The following RETREG3 variants were observed in gnomAD, a reference collection of about 807,000 sequenced individuals.
RETREG3 encodes the protein reticulophagy regulator 3.
A neutral mutation model predicts 50.2 loss-of-function variants in RETREG3; 23 were observed. The observed-to-expected ratio is 0.46, with a 90% CI of 0.33 to 0.65. The LOEUF is 0.65. Ranked by LOEUF, RETREG3 falls within the 30% of genes least tolerant of loss-of-function variation. The probability of loss-of-function intolerance (pLI) is 0.02; values close to 1 mark genes in which losing one functional copy is unlikely to be tolerated. For synonymous variants in RETREG3, 240 were observed against 234.4 expected (o/e 1.02, Z -0.22); for missense variants, 546 against 598.0 (o/e 0.91, Z 0.91).
intron 7 of RETREG3, among the ~76,000 whole-genome samples, 153 bp downstream of exon 7, chr17:42,583,345 G>A (rs1167883294): frequency 6.6e-6 from 1 of 152,166 alleles, no homozygotes; most frequent in Non-Finnish European, 1.5e-5. Context: ...AAAAAATTGA[G>A]ATCTAGGAAC....
intron 8 of RETREG3, 44 bp downstream of exon 8, chr17:42,582,630 A>C: frequency 1.9e-6 from 3 of 1,611,230 alleles, no homozygotes; most frequent in Non-Finnish European, 2.5e-6. Context: ...GCTAAGAGGC[A>C]ACAGTCAGAG....
intron 3 of RETREG3, among the ~76,000 whole-genome samples, chr17:42,587,462 C>T (rs779619401): frequency 9.2e-5 from 14 of 152,112 alleles, no homozygotes; most frequent in African/African-American, 2.4e-4. Context: ...GTTTTCTGAC[C>T]GGGAACTTTA....
chr17:42,608,124 C>T (rs1326649841), intron 1 of RETREG3, among the ~76,000 whole-genome samples: 4 of 152,222 alleles, frequency 2.6e-5, no homozygotes, highest in African/African-American at 9.6e-5. Context: ...AAAAAACACA[C>T]ATATTTTGTT....
chr17:42,602,754 C>A (rs753066203), intron 1 of RETREG3, among the ~76,000 whole-genome samples: 1 of 152,066 alleles, frequency 6.6e-6, no homozygotes, highest in Non-Finnish European at 1.5e-5. Context: ...CCAGCCTGGG[C>A]AACATGGTGA....
At chr17:42,604,712 A>C (rs1229659646) in intron 1 of RETREG3, among the ~76,000 whole-genome samples, 5 of 151,874 alleles carry the variant, frequency 3.3e-5, no homozygotes, top group South Asian at 2.1e-4. Context: ...AAAAAAAAAA[A>C]AAAAAACTGA....
chr17:42,598,143 G>A lies in RETREG3; in HGVS notation c.240-5981C>T, dbSNP rs1378745598. Among the ~76,000 whole-genome samples the A allele has an allele frequency of 4.6e-5, 7 of 151,428 alleles. No homozygotes were observed. In the South Asian group the frequency reaches 6.3e-4, roughly 14 times the overall value. ...ACTACAGGCGCCCGCCACCACGCCC[G>A]GCTAATTTTTTGTATTTTTAGTAGA... On this transcript the variant is annotated intron_variant, in intron 1 of 8. Coordinates refer to ENST00000309428, the MANE Select transcript of RETREG3 (RefSeq NM_178126.4).
At position 42,609,229 on chromosome 17, in the gene RETREG3, G is replaced by A. The variant is rs201986066; in HGVS notation, c.96C>T (p.Asp32=). The A allele has an allele frequency of 7.5e-6, 12 of 1,608,502 alleles. No individual in the cohort carries two copies. Among genetic ancestry groups the A allele is most frequent in the Admixed American group, 3.3e-5 (2 of 59,994 alleles). ...CCCGCTGCGCCGCCTCAACCTGCTGGTCCCGCTCCCAGGAGCCTGACACAT... is the reference window on the plus strand; with the variant it reads ...CCCGCTGCGCCGCCTCAACCTGCTGATCCCGCTCCCAGGAGCCTGACACAT... ...RRDVSGSWER[D]QQVEAAQRAL... Residue 32 remains aspartate, a synonymous_variant, in exon 1 of 9, where the codon GAC becomes GAT. Coordinates refer to ENST00000309428, the MANE Select transcript of RETREG3 (RefSeq NM_178126.4).
intron 1 of RETREG3, among the ~76,000 whole-genome samples, chr17:42,607,543 G>A (rs1597745529): frequency 7.5e-6 from 1 of 133,742 alleles, no homozygotes; most frequent in South Asian, 2.5e-4. Context: ...AGTGGCTCAC[G>A]CCTGTAATCC....
In RETREG3 at chr17:42,609,190, C is replaced by T. The variant is rs776449679; in HGVS notation, c.135G>A (p.Val45=). ...VEAAQRALVE[V]LGPYEPLLSR... ...TCAGCAGAGGCTCGTAAGGCCCCAG[C>T]ACCTCCACCAGGGCCCGCTGCGCCG... Residue 45 remains valine (V), a synonymous_variant, in exon 1 of 9, where the codon GTG becomes GTA. Transcript: ENST00000309428. 3.1e-6 allele frequency: 5 copies of T among 1,609,368 alleles called. No individual in the cohort carries two copies.
intron 1 of RETREG3, among the ~76,000 whole-genome samples, chr17:42,597,611 ATATATATATTTTTTTT>A (rs1567925519): frequency 0.023 from 809 of 34,434 alleles, 58 homozygotes; most frequent in South Asian, 0.18. Flanking sequence ...ATATATATAT[ATATATATATTTTTTTT>A]TTTTTTTTTT....
At chr17:42,609,054 T>G (rs755264495) in intron 1 of RETREG3, 32 bp downstream of exon 1, 3 of 1,591,790 alleles carry the variant, frequency 1.9e-6, no homozygotes, top group African/African-American at 2.7e-5. Context: ...AATTCGGGAC[T>G]CGGAGGGTTT....
In RETREG3 at chr17:42,609,198, C is replaced by A; in HGVS notation, c.127G>T (p.Val43Leu). ...GGCTCGTAAGGCCCCAGCACCTCCA[C>A]CAGGGCCCGCTGCGCCGCCTCAACC... is the stretch of plus-strand genomic sequence containing the variant. ...QQVEAAQRAL[V>L]EVLGPYEPLL... The change falls in exon 1 of 9, where the codon GTG (valine) becomes TTG (leucine). Residue 43 changes from valine (V) to leucine (L), a missense_variant. Transcript: ENST00000309428. The A allele has an allele frequency of 6.2e-7, 1 of 1,609,184 alleles. No individual in the cohort carries two copies.
intron 1 of RETREG3, among the ~76,000 whole-genome samples, chr17:42,596,873 A>G (rs1035378362): frequency 6.9e-6 from 1 of 144,218 alleles, no homozygotes; most frequent in African/African-American, 2.6e-5. Context: ...GTTTGGAAGA[A>G]TTTTTTTTTT....
At chr17:42,608,081 A>G (rs559044373) in intron 1 of RETREG3, among the ~76,000 whole-genome samples, 1 of 152,220 alleles carries the variant, frequency 6.6e-6, no homozygotes, top group Non-Finnish European at 1.5e-5. Context: ...AACAAATTTT[A>G]AGGGGAAAGC....
chr17:42,601,142 T>C (rs2093157573), intron 1 of RETREG3, among the ~76,000 whole-genome samples: 1 of 152,034 alleles, frequency 6.6e-6, no homozygotes, highest in South Asian at 2.1e-4. Flanking sequence ...CTAGGCATGG[T>C]GGCGGGTGCC....
chr17:42,597,645 T>TGAGACAGAG, intron 1 of RETREG3, among the ~76,000 whole-genome samples: 1 of 58,660 alleles, frequency 1.7e-5, no homozygotes, highest in Non-Finnish European at 3.5e-5. Context: ...TTTTTTTTTT[T>TGAGACAGAG]TTGAGACAGA....
Position 42,579,751 on chromosome 17 carries a change from T to G in RETREG3, c.*2062A>C, listed in dbSNP as rs2143357287. On this transcript the variant is annotated 3_prime_UTR_variant, in exon 9 of 9. Transcript: ENST00000309428. Reference sequence around the variant, plus strand: ...GTCTTTCCACATCAGAGCTCTGAACTTGAGAGGTGTCAAAAGTCTGTTTGA... The same window carrying G: ...GTCTTTCCACATCAGAGCTCTGAACGTGAGAGGTGTCAAAAGTCTGTTTGA... 6.5e-6 allele frequency: 1 copy of G among 152,878 alleles called. No homozygotes were observed. Among genetic ancestry groups the G allele is most frequent in the Non-Finnish European group, 1.5e-5 (1 of 68,088 alleles). 9.5% of individuals were successfully genotyped at this position (152,878 alleles called of 1,614,324 possible).
In RETREG3 at chr17:42,581,747, A is replaced by G. The variant is rs1344050467; in HGVS notation, c.*66T>C. The G allele has an allele frequency of 7.0e-7, 1 of 1,424,994 alleles. No individual in the cohort carries two copies. The highest frequency in any genetic ancestry group is 1.4e-5 in the African/African-American group (1 of 69,678). 88.3% of individuals were successfully genotyped at this position (1,424,994 alleles called of 1,614,324 possible). ...GGGAGCTGAGTTCTTCCCTTGCCCC[A>G]TCACCTTAAGTGGGATGGGGAGAAA... On this transcript the variant is annotated 3_prime_UTR_variant, in exon 9 of 9. Transcript: ENST00000309428.
In RETREG3 at chr17:42,585,223, C is replaced by T. The variant is rs763376822; in HGVS notation, c.629G>A (p.Arg210Gln). The T allele has an allele frequency of 9.9e-6, 16 of 1,613,990 alleles. No individual in the cohort carries two copies. In the East Asian group the frequency reaches 2.0e-4, roughly 20 times the overall value. Residue 210 changes from arginine to glutamine, a missense_variant, in exon 6 of 9, where the codon CGA becomes CAA. Physicochemically the swap from Arg to Gln is conservative, Grantham distance 43. Coordinates refer to ENST00000309428, the MANE Select transcript of RETREG3 (RefSeq NM_178126.4). ...VMMWPLAVYHRLWDRAYVRLK... is the reference protein window; with the variant it reads ...VMMWPLAVYHQLWDRAYVRLK... The stretch of plus-strand genomic sequence containing the variant: ...CCGCACATATGCTCGATCCCACAGT[C>T]GGTGGTACACAGCAAGGGGCCACAT...
Sources: allele counts gnomAD v4.1 joint callset (sites outside exome capture counted in the v4.1 genomes callset), GRCh38; gene constraint gnomAD v4.1.1; transcripts MANE v1.5; gene names NCBI Gene and HGNC (gene_info 2026-07-23, HGNC 2026-07-21).